The following SVEP1 variants were observed in gnomAD, a reference collection of about 807,000 sequenced individuals.
The protein encoded by SVEP1 is sushi, von Willebrand factor type A, EGF and pentraxin domain-containing protein 1.
A neutral mutation model predicts 367.3 loss-of-function variants in SVEP1; 164 were observed. The ratio of observed to expected loss-of-function variants is 0.45; its 90% confidence interval spans 0.39 to 0.51. The LOEUF is 0.51. SVEP1 is among the 20% of genes least tolerant of loss of function. The pLI is 0.00. For synonymous variants in SVEP1, 1,666 were observed against 1,611.6 expected, an observed-to-expected ratio of 1.03 and a Z score of -0.81; for missense variants, 4,117 against 4,425.3, an observed-to-expected ratio of 0.93 and a Z score of 1.98.
At position 110,406,254 on chromosome 9, in the gene SVEP1, C is replaced by T; in HGVS notation, c.9346G>A (p.Val3116Ile). ...EKGVWSQPYP[V>I]CEPLSCGSPP... ...GACCCACAGGACAAGGGCTCACAGA[C>T]TGGATAAGGCTGGCTCCATACCCCT... is the stretch of plus-strand genomic sequence containing the variant. Residue 3116 changes from valine to isoleucine, a missense_variant, in exon 38 of 48, where the codon GTC becomes ATC. This residue lies in a region of SVEP1 where 1,765 missense variants were observed against 1,781.1 expected (regional missense o/e 0.99). Transcript: ENST00000374469. 6.2e-7 allele frequency: 1 copy of T among 1,613,876 alleles called. No individual in the cohort carries two copies. The highest frequency in any genetic ancestry group is 8.5e-7 in the Non-Finnish European group (1 of 1,179,800).
At chr9:110,499,979 C>A (rs1829507553) in intron 6 of SVEP1, among the ~76,000 whole-genome samples, 1 of 152,176 alleles carries the variant, frequency 6.6e-6, no homozygotes, top group Non-Finnish European at 1.5e-5. Context: ...ATGTGCCAGG[C>A]ATTATTCTAA....
intron 18 of SVEP1, among the ~76,000 whole-genome samples, chr9:110,459,645 T>A (rs1393696227): frequency 6.6e-6 from 1 of 152,114 alleles, no homozygotes; most frequent in East Asian, 1.9e-4. Flanking sequence ...AATAGTTAGG[T>A]CTAAAGATTT....
intron 45 of SVEP1, among the ~76,000 whole-genome samples, chr9:110,375,712 G>T (rs970301892): frequency 2.6e-5 from 4 of 151,018 alleles, no homozygotes; most frequent in Admixed American, 1.3e-4. Flanking sequence ...TCCACTTTCA[G>T]TGAAGACACT....
intron 1 of SVEP1, among the ~76,000 whole-genome samples, chr9:110,570,464 T>TTGTG (rs3220321): frequency 1.1e-5 from 1 of 88,758 alleles, no homozygotes; most frequent in South Asian, 4.7e-4. Context: ...AAAGTTTCTG[T>TTGTG]TGCGTGTGTG....
chr9:110,466,339 C>G (rs566137926), intron 17 of SVEP1, among the ~76,000 whole-genome samples: 10 of 152,252 alleles, frequency 6.6e-5, no homozygotes, highest in Non-Finnish European at 1.3e-4. Flanking sequence ...ATGATAGGAA[C>G]AAGTTGTACA....
At chr9:110,556,544 G>C (rs527465463) in intron 1 of SVEP1, among the ~76,000 whole-genome samples, 6 of 152,152 alleles carry the variant, frequency 3.9e-5, no homozygotes, top group Non-Finnish European at 7.3e-5. Context: ...ACCCAGGCTG[G>C]AGTGCAGTGG....
At chr9:110,491,733 A>G (rs924224039) in intron 8 of SVEP1, among the ~76,000 whole-genome samples, 6 of 152,062 alleles carry the variant, frequency 3.9e-5, no homozygotes, top group Admixed American at 1.3e-4. Context: ...ACTTAAGAGT[A>G]TAAATCATGG....
chr9:110,448,161 G>GCA (rs1564145645), intron 24 of SVEP1, among the ~76,000 whole-genome samples: 43 of 51,052 alleles, frequency 8.4e-4, no homozygotes, highest in Non-Finnish European at 1.2e-3. Flanking sequence ...GCGTGTGTGT[G>GCA]TGCGCGCGCT....
At chr9:110,496,486 C>T (rs1015641308) in intron 8 of SVEP1, among the ~76,000 whole-genome samples, 17 of 152,194 alleles carry the variant, frequency 1.1e-4, no homozygotes, top group African/African-American at 4.1e-4. Context: ...GTACTTATAT[C>T]AGTGGTTTGC....
At chr9:110,492,186 A>G (rs1336630357) in intron 8 of SVEP1, among the ~76,000 whole-genome samples, 6 of 152,286 alleles carry the variant, frequency 3.9e-5, no homozygotes, top group East Asian at 3.9e-4. Context: ...CAAATCCCTC[A>G]TAAGAGAGAA....
intron 15 of SVEP1, 66 bp from the exon 16 acceptor site, chr9:110,471,663 AT>A: frequency 1.6e-6 from 2 of 1,212,208 alleles, no homozygotes; most frequent in Non-Finnish European, 2.3e-6. Context: ...TTTGTAGTTA[AT>A]TTTTTACCAA....
chr9:110,469,257 C>T (rs1182015819), intron 16 of SVEP1, among the ~76,000 whole-genome samples, 156 bp from the exon 17 acceptor site: 1 of 152,128 alleles, frequency 6.6e-6, no homozygotes, highest in East Asian at 1.9e-4. Context: ...CAAGGTAAAC[C>T]TTTCAGAAAT....
At chr9:110,566,687 G>A (rs1406500952) in intron 1 of SVEP1, among the ~76,000 whole-genome samples, 1 of 152,216 alleles carries the variant, frequency 6.6e-6, no homozygotes, top group African/African-American at 2.4e-5. Flanking sequence ...AGGTGGTAAT[G>A]CTTTTGGCAG....
intron 5 of SVEP1, among the ~76,000 whole-genome samples, chr9:110,508,972 T>C (rs1315090031): frequency 1.3e-5 from 2 of 152,148 alleles, no homozygotes; most frequent in Non-Finnish European, 2.9e-5. Context: ...GCCTCAATCT[T>C]ACACATATTT....
rs770393458 is a variant in SVEP1, at chr9:110,499,188, G to C, written c.1534C>G (p.His512Asp). The stretch of plus-strand genomic sequence containing the variant: ...TTGGCTGGCTGCTTGCCACAGTTGT[G>C]GGGGGATATGATGACATCTTTGGGC... ...QMPKDVIISPHNCGKQPAKFG... is the reference protein window; with the variant it reads ...QMPKDVIISPDNCGKQPAKFG... The change falls in exon 7 of 48, where the codon CAC (histidine) becomes GAC (aspartate). Residue 512 changes from histidine (H) to aspartate (D), a missense_variant. Around this residue, in one of 4 missense-constraint regions of SVEP1, gnomAD observed 2,174 missense variants for 2,494.3 expected, o/e 0.87. Coordinates refer to ENST00000374469, the MANE Select transcript of SVEP1 (RefSeq NM_153366.4). The C allele has an allele frequency of 2.5e-5, 41 of 1,613,322 alleles. No individual in the cohort carries two copies. Among genetic ancestry groups the C allele is most frequent in the Middle Eastern group, 1.6e-4 (1 of 6,082 alleles).
rs35109985 is a variant in SVEP1, at chr9:110,392,133, T to TTATATATATATATATATATA, written c.9823-2566_9823-2547dup. On this transcript the variant is annotated intron_variant, in intron 40 of 47. Transcript: ENST00000374469. ...CATTAACTTGTGACCCAATTCCTCA[T>TTATATATATATATATATATA]TATATATATATATATATATATCTCT... is the stretch of plus-strand genomic sequence containing the variant. 7.0e-3 allele frequency among the ~76,000 whole-genome samples: 695 copies of TTATATATATATATATATATA among 99,084 alleles called. 6 individuals are homozygous for TTATATATATATATATATATA. Among genetic ancestry groups the TTATATATATATATATATATA allele is most frequent in the Non-Finnish European group, 0.01 (481 of 46,080 alleles). The allele number at this position is 99,084 out of a possible 152,430, so 65.0% of individuals were successfully genotyped here.
At chr9:110,433,629 G>C (rs533677092) in intron 30 of SVEP1, among the ~76,000 whole-genome samples, 2 of 151,498 alleles carry the variant, frequency 1.3e-5, no homozygotes, top group African/African-American at 2.4e-5. Flanking sequence ...ACACCACTAC[G>C]CCTGGCCAAT....
intron 14 of SVEP1, among the ~76,000 whole-genome samples, chr9:110,473,723 T>A (rs143785966): frequency 2.1e-3 from 316 of 152,248 alleles, no homozygotes; most frequent in Middle Eastern, 3.4e-3. Context: ...ACATCCCAAT[T>A]TCAGGTCTAA....
intron 3 of SVEP1, among the ~76,000 whole-genome samples, chr9:110,534,506 T>C (rs765663684): frequency 2.2e-4 from 34 of 152,230 alleles, no homozygotes; most frequent in Non-Finnish European, 4.0e-4. Flanking sequence ...TGTGTCTTTA[T>C]GGTAGACTGA....
Sources: gnomAD v4.1 joint callset for allele counts (sites outside exome capture counted in the v4.1 genomes callset) on GRCh38, gnomAD v4.1.1 for gene constraint, gnomAD v4.1.1 regional missense constraint, MANE v1.5 for transcripts, NCBI Gene and HGNC (gene_info 2026-07-23, HGNC 2026-07-21) for gene names.